IL34: variants seen among roughly 807,000 people sequenced by gnomAD.
The protein encoded by IL34 is interleukin-34.
IL34 carries 17 observed loss-of-function variants against 25.3 expected under a neutral mutation model. That is an observed-to-expected ratio of 0.67 (90% confidence interval 0.46 to 1.01). The LOEUF (loss-of-function observed/expected upper bound fraction) is 1.01, where lower values mean the gene tolerates loss of function less well. Ranked by LOEUF, IL34 falls within the 50% of genes least tolerant of loss-of-function variation. The pLI is 0.00. For synonymous variants in IL34, 174 were observed against 140.9 expected (o/e 1.23, Z -1.66); for missense variants, 368 against 312.9 (o/e 1.18, Z -1.33).
intron 1 of IL34, among the ~76,000 whole-genome samples, chr16:70,614,836 C>T (rs2051149006): frequency 6.6e-6 from 1 of 152,218 alleles, no homozygotes; most frequent in Admixed American, 6.5e-5. Flanking sequence ...TCTGTTGGAA[C>T]AGGAGCTGGG....
chr16:70,652,382 C>G (rs1333488111), intron 1 of IL34, among the ~76,000 whole-genome samples: 1 of 152,076 alleles, frequency 6.6e-6, no homozygotes, highest in Non-Finnish European at 1.5e-5. Flanking sequence ...TGCTTGAACC[C>G]AGGAGTTTGA....
At chr16:70,625,689 C>T (rs1255016994) in intron 1 of IL34, among the ~76,000 whole-genome samples, 1 of 152,158 alleles carries the variant, frequency 6.6e-6, no homozygotes, top group Non-Finnish European at 1.5e-5. Flanking sequence ...CAGTCCGTGA[C>T]AGGCGCTGGA....
chr16:70,593,834 G>T (rs1013700056), intron 1 of IL34, among the ~76,000 whole-genome samples: 1 of 152,114 alleles, frequency 6.6e-6, no homozygotes, highest in African/African-American at 2.4e-5. Flanking sequence ...GCAATATCTA[G>T]ATTTTTTTCT....
At chr16:70,617,598 G>C (rs2051193167) in intron 1 of IL34, among the ~76,000 whole-genome samples, 1 of 152,208 alleles carries the variant, frequency 6.6e-6, no homozygotes, top group Non-Finnish European at 1.5e-5. Context: ...GCATTCCGAA[G>C]ACAGGCCTGA....
chr16:70,624,399 A>C lies in IL34; in HGVS notation c.-400-22149A>C, dbSNP rs149260447. ...TCTGTTACTGTACACCTTGAAGGTG[A>C]GGTTAATTAAATCCTGTTGTGGGGT... On this transcript the variant is annotated intron_variant, in intron 1 of 6. Coordinates refer to the IL34 transcript ENST00000429149. Among the ~76,000 whole-genome samples, 18 of 152,240 alleles carry C rather than the reference A, an allele frequency of 1.2e-4. No homozygotes were observed. In the East Asian group the frequency reaches 3.3e-3, roughly 28 times the overall value.
At chr16:70,651,575 G>A (rs543138731) in intron 1 of IL34, among the ~76,000 whole-genome samples, 1 of 152,258 alleles carries the variant, frequency 6.6e-6, no homozygotes, top group Admixed American at 6.5e-5. Flanking sequence ...CGAGGCAGGA[G>A]GCCTGAGCAG....
chr16:70,595,016 G>A (rs997531443), intron 1 of IL34, among the ~76,000 whole-genome samples: 1 of 150,018 alleles, frequency 6.7e-6, no homozygotes, highest in African/African-American at 2.5e-5. Flanking sequence ...GTGCAGTGGT[G>A]CGATCTCGGC....
Position 70,654,897 on chromosome 16 carries a change from T to A in IL34, c.162+226T>A, listed in dbSNP as rs553253594. On this transcript the variant is annotated intron_variant, in intron 2 of 5. Coordinates refer to ENST00000288098, the MANE Select transcript of IL34 (RefSeq NM_001393494.1). ...CCACCCCTCCTCCTCGATCTCACTT[T>A]AATCCCACCTCCATGATGGCAGTCA... 1.9e-4 allele frequency among the ~76,000 whole-genome samples: 29 copies of A among 152,254 alleles called. No individual in the cohort carries two copies. In the South Asian group the frequency reaches 5.8e-3, roughly 31 times the overall value.
chr16:70,586,529 C>G (rs1276647434), intron 1 of IL34, among the ~76,000 whole-genome samples: 2 of 152,142 alleles, frequency 1.3e-5, no homozygotes, highest in Admixed American at 6.5e-5. Context: ...GCACTCCAGC[C>G]TGGGTGACAG....
chr16:70,633,882 G>T (rs560209495), intron 1 of IL34, among the ~76,000 whole-genome samples: 1 of 151,232 alleles, frequency 6.6e-6, no homozygotes, highest in Non-Finnish European at 1.5e-5. Context: ...ACAGAGTCTC[G>T]CATTGTCGCC....
At chr16:70,597,221 TA>T (rs2050835966) in intron 1 of IL34, among the ~76,000 whole-genome samples, 1 of 147,268 alleles carries the variant, frequency 6.8e-6, no homozygotes, top group African/African-American at 2.7e-5. Flanking sequence ...GCCAGTTTTT[TA>T]GCTTTTTTTT....
chr16:70,606,733 A>G (rs1478672556), intron 1 of IL34, among the ~76,000 whole-genome samples: 1 of 151,984 alleles, frequency 6.6e-6, no homozygotes, highest in Non-Finnish European at 1.5e-5. Flanking sequence ...AACCACAAGT[A>G]TGTGCCACCA....
At chr16:70,645,130 G>A (rs1049620843), upstream of IL34, among the ~76,000 whole-genome samples, 3 of 144,500 alleles carry the variant, frequency 2.1e-5, no homozygotes, top group East Asian at 2.0e-4. Context: ...AGGGAGGAAG[G>A]AGGAAGACGA....
chr16:70,629,010 A>C (rs1040710063), intron 1 of IL34, among the ~76,000 whole-genome samples: 4 of 152,038 alleles, frequency 2.6e-5, no homozygotes, highest in Non-Finnish European at 4.4e-5. Context: ...GGCTGGTCTC[A>C]AACTCCTGGC....
At chr16:70,654,721 A>G in intron 2 of IL34, 50 bp downstream of exon 2, 1 of 1,557,340 alleles carries the variant, frequency 6.4e-7, no homozygotes, top group South Asian at 1.2e-5. Context: ...CCCGGGGTTC[A>G]CCTGGCATAG....
At chr16:70,647,081 C>G (rs188939094) in intron 1 of IL34, 106 bp downstream of exon 1, 109 of 1,013,166 alleles carry the variant, frequency 1.1e-4, no homozygotes, top group Non-Finnish European at 1.4e-4. Flanking sequence ...TGAGAAGTTG[C>G]GATGCTTCCC....
chr16:70,640,260 G>C (rs2051750020), intron 1 of IL34, among the ~76,000 whole-genome samples: 1 of 152,092 alleles, frequency 6.6e-6, no homozygotes, highest in Non-Finnish European at 1.5e-5. Context: ...TCCTGCCTTA[G>C]CCTTCTGAGT....
At chr16:70,593,257 G>A (rs1249201894) in intron 1 of IL34, among the ~76,000 whole-genome samples, 1 of 152,072 alleles carries the variant, frequency 6.6e-6, no homozygotes, top group East Asian at 1.9e-4. Context: ...CCTAGCAATA[G>A]TGTCTTTTGC....
chr16:70,656,702 G>C (rs1373976281), intron 3 of IL34, 23 bp downstream of exon 3: 1 of 1,154,148 alleles, frequency 8.7e-7, no homozygotes, highest in Non-Finnish European at 1.3e-6. Context: ...TCCTGGGCTG[G>C]GGGGACCCTG....
Sources: allele counts gnomAD v4.1 joint callset (sites outside exome capture counted in the v4.1 genomes callset), GRCh38; gene constraint gnomAD v4.1.1; transcripts MANE v1.5; gene names NCBI Gene and HGNC (gene_info 2026-07-23, HGNC 2026-07-21).